The following UBASH3B variants were observed in gnomAD, a reference collection of about 807,000 sequenced individuals.
UBASH3B encodes ubiquitin-associated and SH3 domain-containing protein B.
In UBASH3B, 37 loss-of-function variants were observed where a neutral mutation model predicts 83.4. The ratio of observed to expected loss-of-function variants is 0.44; its 90% CI spans 0.34 to 0.58. The LOEUF (loss-of-function observed/expected upper bound fraction) is 0.58, where lower values mean the gene tolerates loss of function less well. Among genes scored for constraint, UBASH3B ranks in the 20% least tolerant of loss-of-function variants. UBASH3B has a pLI of 0.01. For synonymous variants in UBASH3B, 304 were observed against 318.3 expected (o/e 0.96, Z 0.48); for missense variants, 657 against 827.2 (o/e 0.79, Z 2.52).
intron 13 of UBASH3B, 25 bp downstream of exon 13, chr11:122,808,201 T>A: frequency 6.3e-7 from 1 of 1,582,074 alleles, no homozygotes; most frequent in Non-Finnish European, 8.7e-7. Context: ...TACTTTGGGG[T>A]CCGTGATGGC....
At chr11:122,723,833 G>A (rs982385621) in intron 1 of UBASH3B, among the ~76,000 whole-genome samples, 1 of 152,228 alleles carries the variant, frequency 6.6e-6, no homozygotes, top group East Asian at 1.9e-4. Context: ...AAGGAGGCAG[G>A]GTGGCCCTGG....
intron 1 of UBASH3B, among the ~76,000 whole-genome samples, chr11:122,663,617 G>C (rs1269599890): frequency 6.6e-6 from 1 of 152,012 alleles, no homozygotes; most frequent in African/African-American, 2.4e-5. Flanking sequence ...AGCTGATGAT[G>C]ATGTGGTGGT....
intron 11 of UBASH3B, among the ~76,000 whole-genome samples, chr11:122,803,144 A>ATT (rs1861285165): frequency 6.6e-6 from 1 of 152,206 alleles, no homozygotes; most frequent in Non-Finnish European, 1.5e-5. Flanking sequence ...GCAAATCAGA[A>ATT]TTCAATTCAA....
chr11:122,722,240 T>G (rs1860650800), intron 1 of UBASH3B, among the ~76,000 whole-genome samples: 2 of 152,220 alleles, frequency 1.3e-5, no homozygotes. Context: ...TCCGCCCTCA[T>G]GCTCTCTTGC....
intron 1 of UBASH3B, among the ~76,000 whole-genome samples, chr11:122,674,009 A>G (rs1863633825): frequency 6.6e-6 from 1 of 152,190 alleles, no homozygotes; most frequent in South Asian, 2.1e-4. Flanking sequence ...TCCCACACAC[A>G]TTTATTAAGT....
At chr11:122,794,180 C>T (rs1861110264) in intron 6 of UBASH3B, among the ~76,000 whole-genome samples, 1 of 152,036 alleles carries the variant, frequency 6.6e-6, no homozygotes, top group Non-Finnish European at 1.5e-5. Flanking sequence ...AATCCATCTA[C>T]CTCTAATTTA....
At chr11:122,778,084 T>C (rs899903218) in intron 3 of UBASH3B, among the ~76,000 whole-genome samples, 4 of 152,188 alleles carry the variant, frequency 2.6e-5, no homozygotes, top group African/African-American at 4.8e-5. Flanking sequence ...ACATTTTGTC[T>C]ACTTTAGCTC....
chr11:122,741,844 T>C (rs772150488), intron 1 of UBASH3B, among the ~76,000 whole-genome samples: 20 of 152,092 alleles, frequency 1.3e-4, no homozygotes, highest in Non-Finnish European at 2.9e-4. Context: ...CCTGGACCCT[T>C]CTGCTGACCA....
chr11:122,713,575 A>G (rs1228913174), intron 1 of UBASH3B, among the ~76,000 whole-genome samples: 4 of 152,192 alleles, frequency 2.6e-5, no homozygotes, highest in Non-Finnish European at 4.4e-5. Flanking sequence ...TAAAGAAACT[A>G]TAGGCATGTT....
intron 1 of UBASH3B, among the ~76,000 whole-genome samples, chr11:122,751,232 C>T (rs549329072): frequency 6.6e-6 from 1 of 152,338 alleles, no homozygotes; most frequent in South Asian, 2.1e-4. Flanking sequence ...TATTATTTCA[C>T]TGTGTGGATG....
At chr11:122,755,355 G>A (rs752984399) in intron 1 of UBASH3B, among the ~76,000 whole-genome samples, 3 of 152,088 alleles carry the variant, frequency 2.0e-5, no homozygotes, top group Non-Finnish European at 4.4e-5. Context: ...TTGGCCTTTT[G>A]GCTTATAGCC....
intron 1 of UBASH3B, among the ~76,000 whole-genome samples, chr11:122,722,458 C>G (rs1292434657): frequency 6.6e-6 from 1 of 152,216 alleles, no homozygotes; most frequent in Non-Finnish European, 1.5e-5. Context: ...CGGGAAATGT[C>G]TGTGTGTCTC....
chr11:122,764,065 G>A (rs551149004), intron 1 of UBASH3B, among the ~76,000 whole-genome samples: 7 of 152,280 alleles, frequency 4.6e-5, no homozygotes, highest in East Asian at 1.9e-4. Flanking sequence ...AAAGGGTGGC[G>A]TAAGTTTGAG....
Position 122,655,867 on chromosome 11 carries a change from TG to T in UBASH3B, c.-181del. On this transcript the variant is annotated 5_prime_UTR_variant, in exon 1 of 14. Coordinates refer to ENST00000284273, the MANE Select transcript of UBASH3B (RefSeq NM_032873.5). Reference sequence around the variant, plus strand: ...CCGCTTGCCGGCGTTCTGGCTCCTGTGGCCTCACCAGGAAGCGTCAGAGTCC... The same window carrying T: ...CCGCTTGCCGGCGTTCTGGCTCCTGTGCCTCACCAGGAAGCGTCAGAGTCC... 1.6e-6 allele frequency: 1 copy of T among 636,824 alleles called. No homozygotes were observed. Among genetic ancestry groups the T allele is most frequent in the Non-Finnish European group, 2.5e-6 (1 of 407,830 alleles). The allele number at this position is 636,824 out of a possible 1,614,324, so 39.4% of individuals were successfully genotyped here.
intron 1 of UBASH3B, among the ~76,000 whole-genome samples, chr11:122,665,078 T>C (rs1858698100): frequency 6.6e-6 from 1 of 152,184 alleles, no homozygotes; most frequent in African/African-American, 2.4e-5. Flanking sequence ...GCTAATTTTT[T>C]TGTATTTTTA....
At chr11:122,710,799 T>G (rs1864181318) in intron 1 of UBASH3B, among the ~76,000 whole-genome samples, 1 of 151,988 alleles carries the variant, frequency 6.6e-6, no homozygotes, top group Non-Finnish European at 1.5e-5. Context: ...TCCCTAGAGC[T>G]TTTGACTCTC....
At chr11:122,752,008 GA>G (rs1861207239) in intron 1 of UBASH3B, among the ~76,000 whole-genome samples, 1 of 152,148 alleles carries the variant, frequency 6.6e-6, no homozygotes. Context: ...TAAAAAAAGG[GA>G]AAATTAATTA....
chr11:122,794,976 T>C (rs1482571361), intron 7 of UBASH3B, 142 bp downstream of exon 7: 5 of 1,248,238 alleles, frequency 4.0e-6, no homozygotes, highest in Non-Finnish European at 5.5e-6. Context: ...TTATAAAAGA[T>C]ATACAAAAAT....
At chr11:122,657,614 T>A (rs1863381824) in intron 1 of UBASH3B, among the ~76,000 whole-genome samples, 1 of 152,220 alleles carries the variant, frequency 6.6e-6, no homozygotes, top group African/African-American at 2.4e-5. Context: ...AAACCTTGTT[T>A]ATTCTCTACT....
Sources: allele counts gnomAD v4.1 joint callset (sites outside exome capture counted in the v4.1 genomes callset), GRCh38; gene constraint gnomAD v4.1.1; transcripts MANE v1.5; gene names NCBI Gene and HGNC (gene_info 2026-07-23, HGNC 2026-07-21).